SKIL: variants seen among roughly 807,000 people sequenced by gnomAD.
SKIL encodes the protein ski-like protein.
In SKIL, 20 loss-of-function variants were observed where a neutral mutation model predicts 69.6. The ratio of observed to expected loss-of-function variants is 0.29; its 90% confidence interval spans 0.20 to 0.42. SKIL has a LOEUF of 0.42. SKIL is among the 10% of genes least tolerant of loss of function. The pLI is 1.00. For synonymous variants in SKIL, 310 were observed against 279.9 expected (o/e 1.11, Z -1.08); for missense variants, 745 against 783.1 (o/e 0.95, Z 0.58).
intron 4 of SKIL, among the ~76,000 whole-genome samples, chr3:170,387,771 A>AAAAAAAAAAC (rs1737714275): frequency 2.2e-5 from 3 of 134,786 alleles, no homozygotes; most frequent in Admixed American, 7.7e-5. Flanking sequence ...AAAAAAAAAA[A>AAAAAAAAAAC]AAATACAAAA....
chr3:170,376,988 A>G (rs1400781189), intron 2 of SKIL, among the ~76,000 whole-genome samples: 2 of 152,100 alleles, frequency 1.3e-5, no homozygotes, highest in Non-Finnish European at 2.9e-5. Context: ...CTTTACTCAG[A>G]TTGTCTTGCT....
Position 170,394,713 on chromosome 3 carries a change from G to C in SKIL, c.*2296G>C, listed in dbSNP as rs1039050367. The C allele has an allele frequency of 6.6e-6, 1 of 152,116 alleles. No homozygotes were observed. The highest frequency in any genetic ancestry group is 1.5e-5 in the Non-Finnish European group (1 of 68,016). The allele number at this position is 152,116 out of a possible 1,614,324, so 9.4% of individuals were successfully genotyped here. ...ATCGTCTTCATTTTCCAGAAGATGCGTTGGTGTGCCATAGGTTTCTAACTT... is the reference window on the plus strand; with the variant it reads ...ATCGTCTTCATTTTCCAGAAGATGCCTTGGTGTGCCATAGGTTTCTAACTT... On this transcript the variant is annotated 3_prime_UTR_variant, in exon 7 of 7. Coordinates refer to ENST00000259119, the MANE Select transcript of SKIL (RefSeq NM_005414.5).
In SKIL at chr3:170,361,433, A is replaced by G; in HGVS notation, c.1098+4A>G. On this transcript the variant is annotated splice_donor_region_variant and intron_variant, in intron 2 of 6. Coordinates refer to ENST00000259119, the MANE Select transcript of SKIL (RefSeq NM_005414.5). ...TGGAAAGAGAAATCAATCCAAGGCAAGTTTTTTATATCAATTTTTAATAAT... is the reference window on the plus strand; with the variant it reads ...TGGAAAGAGAAATCAATCCAAGGCAGGTTTTTTATATCAATTTTTAATAAT... 6.5e-7 allele frequency: 1 copy of G among 1,542,628 alleles called. No individual in the cohort carries two copies. Among genetic ancestry groups the G allele is most frequent in the Non-Finnish European group, 8.7e-7 (1 of 1,148,836 alleles).
intron 1 of SKIL, among the ~76,000 whole-genome samples, chr3:170,358,302 TC>T (rs1318501516): frequency 6.6e-6 from 1 of 150,602 alleles, no homozygotes; most frequent in Non-Finnish European, 1.5e-5. Context: ...ATTTCCACAG[TC>T]CTTCCCGCGG....
intron 2 of SKIL, among the ~76,000 whole-genome samples, chr3:170,362,796 CAGA>C (rs1220893677): frequency 8.7e-5 from 13 of 148,858 alleles, no homozygotes; most frequent in Non-Finnish European, 1.6e-4. Flanking sequence ...TCCTGGGCGT[CAGA>C]GTAAGACTCC....
chr3:170,360,329 A>G lies in SKIL; in HGVS notation c.-3A>G. 6 of 1,546,938 alleles carry G rather than the reference A, an allele frequency of 3.9e-6. No homozygotes were observed. Among genetic ancestry groups the G allele is most frequent in the Middle Eastern group, 1.7e-4 (1 of 5,718 alleles). On this transcript the variant is annotated 5_prime_UTR_variant, in exon 2 of 7. Transcript: ENST00000259119. Reference sequence around the variant, plus strand: ...ACTTAATTATTTAACAGAAGAGTGTACCATGGAAAACCTCCAGACAAATTT... The same window carrying G: ...ACTTAATTATTTAACAGAAGAGTGTGCCATGGAAAACCTCCAGACAAATTT...
At chr3:170,364,714 A>C (rs1736419295) in intron 2 of SKIL, among the ~76,000 whole-genome samples, 1 of 151,926 alleles carries the variant, frequency 6.6e-6, no homozygotes, top group Admixed American at 6.6e-5. Flanking sequence ...AAAACATCTG[A>C]GAACCATGAT....
Position 170,383,706 on chromosome 3 carries a change from G to A in SKIL, c.1197-827G>A, listed in dbSNP as rs535255568. Reference sequence around the variant, plus strand: ...TACAAGAACTGCCCAGTAGCTGGGCGACATTCAGAGCTCTCTCTCTGAGGT... The same window carrying A: ...TACAAGAACTGCCCAGTAGCTGGGCAACATTCAGAGCTCTCTCTCTGAGGT... On this transcript the variant is annotated intron_variant, in intron 3 of 6. Transcript: ENST00000259119. 3.3e-5 allele frequency among the ~76,000 whole-genome samples: 5 copies of A among 152,222 alleles called. No homozygotes were observed. The South Asian group carries it at 6.2e-4, about 19-fold the overall frequency.
intron 2 of SKIL, among the ~76,000 whole-genome samples, chr3:170,364,035 C>G (rs1254776450): frequency 1.3e-5 from 2 of 152,182 alleles, no homozygotes; most frequent in African/African-American, 4.8e-5. Context: ...ACTGCAACCT[C>G]TGCCTCCTGG....
intron 2 of SKIL, among the ~76,000 whole-genome samples, chr3:170,368,954 T>C (rs1231444559): frequency 6.6e-6 from 1 of 152,212 alleles, no homozygotes; most frequent in Non-Finnish European, 1.5e-5. Flanking sequence ...CTGCTTAGAT[T>C]GGATAAGGTT....
intron 1 of SKIL, among the ~76,000 whole-genome samples, chr3:170,358,916 A>G (rs1736077280): frequency 1.3e-5 from 2 of 152,206 alleles, no homozygotes; most frequent in Non-Finnish European, 2.9e-5. Flanking sequence ...GCCTGCAGTC[A>G]TTCCAGAAAA....
Position 170,360,457 on chromosome 3 carries a change from G to C in SKIL, c.126G>C (p.Thr42=), listed in dbSNP as rs748435387. Residue 42 remains threonine (T), a synonymous_variant, in exon 2 of 7, where the codon ACG becomes ACC. Coordinates refer to ENST00000259119, the MANE Select transcript of SKIL (RefSeq NM_005414.5). ...CGGACATTCATGCAAATGGAAAAAC[G>C]ATAAACAAGGTGCCAACAGTTAAGA... The part of the protein sequence containing the change: ...MITDIHANGK[T]INKVPTVKKE... 3.1e-6 allele frequency: 5 copies of C among 1,613,816 alleles called. No individual in the cohort carries two copies. In the African/African-American group the frequency reaches 5.3e-5, roughly 17 times the overall value.
intron 2 of SKIL, among the ~76,000 whole-genome samples, chr3:170,373,286 C>A (rs1235874773): frequency 6.6e-6 from 1 of 152,172 alleles, no homozygotes; most frequent in African/African-American, 2.4e-5. Flanking sequence ...TCTGCCTCAG[C>A]CTCCTAAGTA....
chr3:170,378,849 T>TTTTATTTATTTA (rs72498372), intron 2 of SKIL, among the ~76,000 whole-genome samples: 18 of 142,744 alleles, frequency 1.3e-4, no homozygotes, highest in African/African-American at 4.2e-4. Flanking sequence ...TTGGAGCTTC[T>TTTTATTTATTTA]TTTATTTATT....
chr3:170,393,667 C>A lies in SKIL; in HGVS notation c.*1250C>A, dbSNP rs756987196. ...GGCTCAAAATATATTAGGTAAAATT[C>A]TTAGATCTGTTTTTAAAGGGAGTTT... is the stretch of plus-strand genomic sequence containing the variant. On this transcript the variant is annotated 3_prime_UTR_variant, in exon 7 of 7. Transcript: ENST00000259119. 6.6e-6 allele frequency: 1 copy of A among 151,954 alleles called. No homozygotes were observed. The highest frequency in any genetic ancestry group is 6.6e-5 in the Admixed American group (1 of 15,242). The allele number at this position is 151,954 out of a possible 1,614,324, so 9.4% of individuals were successfully genotyped here. A position where few individuals can be genotyped will look rare whatever the true frequency, so the allele number is the denominator to read the frequency against.
intron 2 of SKIL, among the ~76,000 whole-genome samples, chr3:170,378,273 T>A (rs192521071): frequency 6.6e-6 from 1 of 152,362 alleles, no homozygotes; most frequent in Admixed American, 6.5e-5. Context: ...GTTTCCTTTC[T>A]GTTTTCAGCC....
intron 2 of SKIL, among the ~76,000 whole-genome samples, chr3:170,369,553 C>T (rs774523956): frequency 2.6e-5 from 4 of 152,120 alleles, no homozygotes; most frequent in Non-Finnish European, 2.9e-5. Context: ...AGTCATGTGC[C>T]ACCATAGCTG....
rs1363418579 is a variant in SKIL at position 170,390,442 on chromosome 3, A to G, written c.1649A>G (p.Gln550Arg). Residue 550 changes from glutamine (Q) to arginine (R), a missense_variant, in exon 5 of 7, where the codon CAA (glutamine) becomes CGA (arginine). By Grantham distance (43) the Gln-to-Arg change is conservative. Transcript: ENST00000259119. Reference sequence around the variant, plus strand: ...CAGGAAAAACTAAACTTGATTTTGCAAAAGAAGCAACAACTTCAGATGGTA... The same window carrying G: ...CAGGAAAAACTAAACTTGATTTTGCGAAAGAAGCAACAACTTCAGATGGTA... ...KQQEKLNLIL[Q>R]KKQQLQMEVK... 1 of 1,611,006 alleles carries G rather than the reference A, an allele frequency of 6.2e-7. No individual in the cohort carries two copies. Among genetic ancestry groups the G allele is most frequent in the Non-Finnish European group, 8.5e-7 (1 of 1,177,464 alleles).
At chr3:170,362,331 C>T (rs544091193) in intron 2 of SKIL, among the ~76,000 whole-genome samples, 2 of 152,112 alleles carry the variant, frequency 1.3e-5, no homozygotes, top group African/African-American at 4.8e-5. Context: ...GGTGAAATCC[C>T]ATCTCTACTA....
Sources: allele counts gnomAD v4.1 joint callset (sites outside exome capture counted in the v4.1 genomes callset), GRCh38; gene constraint gnomAD v4.1.1; transcripts MANE v1.5; gene names NCBI Gene and HGNC (gene_info 2026-07-23, HGNC 2026-07-21).